Variants in TNPO3 observed in about 807,000 individuals in gnomAD.
TNPO3 encodes the protein transportin-3.
TNPO3 carries 65 observed loss-of-function variants against 122.8 expected under a neutral mutation model. That is an observed-to-expected ratio of 0.53 (90% CI 0.43 to 0.65). TNPO3 has a LOEUF of 0.65. Ranked by LOEUF, TNPO3 falls within the 30% of genes least tolerant of loss-of-function variation. TNPO3 has a pLI of 0.00. For synonymous variants in TNPO3, 372 were observed against 411.2 expected, an observed-to-expected ratio of 0.90 and a Z score of 1.15; for missense variants, 850 against 1,136.7, an observed-to-expected ratio of 0.75 and a Z score of 3.63.
chr7:129,016,219 C>T (rs932323045), intron 3 of TNPO3, among the ~76,000 whole-genome samples: 1 of 152,108 alleles, frequency 6.6e-6, no homozygotes, highest in African/African-American at 2.4e-5. Context: ...CCTGGCCAAA[C>T]CCCGCCTCTA....
intron 1 of TNPO3, among the ~76,000 whole-genome samples, chr7:129,019,654 G>C (rs1309413955): frequency 6.6e-6 from 1 of 152,182 alleles, no homozygotes; most frequent in Non-Finnish European, 1.5e-5. Context: ...TTTGACACTG[G>C]CCTGGGCAAC....
At chr7:129,050,401 A>AAGG (rs1554445189) in intron 1 of TNPO3, among the ~76,000 whole-genome samples, 6 of 80,712 alleles carry the variant, frequency 7.4e-5, no homozygotes, top group African/African-American at 2.0e-4. Flanking sequence ...AAAAAAAAAA[A>AAGG]GGGTGGGGGG....
chr7:129,001,855 A>C (rs1266023519), intron 5 of TNPO3, among the ~76,000 whole-genome samples: 1 of 152,182 alleles, frequency 6.6e-6, no homozygotes, highest in African/African-American at 2.4e-5. Flanking sequence ...ATGGAAAGCC[A>C]TGTGTTCCCT....
At chr7:129,031,302 A>AAAAGAAAG (rs113746995) in intron 1 of TNPO3, among the ~76,000 whole-genome samples, 4 of 151,800 alleles carry the variant, frequency 2.6e-5, no homozygotes, top group African/African-American at 9.7e-5. Context: ...TCTATGTCAA[A>AAAAGAAAG]AAAGAAAGAA....
Position 129,001,132 on chromosome 7 carries a change from T to C in TNPO3, c.799A>G (p.Met267Val). 1 of 1,614,168 alleles carries C rather than the reference T, an allele frequency of 6.2e-7. No individual in the cohort carries two copies. Among genetic ancestry groups the C allele is most frequent in the Non-Finnish European group, 8.5e-7 (1 of 1,180,022 alleles). The change falls in exon 6 of 23, where the codon ATG (methionine) becomes GTG (valine). Residue 267 changes from methionine (M) to valine (V), a missense_variant. Met to Val is a conservative substitution (Grantham distance 21). Coordinates refer to ENST00000265388, the MANE Select transcript of TNPO3 (RefSeq NM_012470.4). ...GTCAGCACTCCCTGAAAAAGTTGCA[T>C]GGCTAATGGCAAGTTAGTCTCCACA... Reference protein sequence around the residue: ...ENVETNLPLAMQLFQGVLTLE... With the variant: ...ENVETNLPLAVQLFQGVLTLE...
intron 21 of TNPO3, among the ~76,000 whole-genome samples, chr7:128,964,008 TATA>T (rs1797704409): frequency 6.6e-6 from 1 of 152,150 alleles, no homozygotes; most frequent in South Asian, 2.1e-4. Context: ...GTGTATAATT[TATA>T]ATAAAACAGC....
At chr7:128,957,365 A>G (rs1244925326) in intron 21 of TNPO3, 50 bp from the exon 22 acceptor site, 1 of 1,595,904 alleles carries the variant, frequency 6.3e-7, no homozygotes, top group Non-Finnish European at 8.6e-7. Context: ...AAGACAGAAT[A>G]TGCTGAAAAA....
At chr7:129,030,654 AC>A (rs2150494873) in intron 1 of TNPO3, 1 of 152,052 alleles carries the variant, frequency 6.6e-6, no homozygotes, top group South Asian at 2.1e-4. Flanking sequence ...TATTTGTGTT[AC>A]TATGGAAACT....
chr7:129,042,612 C>T (rs562029091), intron 1 of TNPO3, among the ~76,000 whole-genome samples: 11 of 152,016 alleles, frequency 7.2e-5, no homozygotes, highest in South Asian at 4.1e-4. Context: ...TTTTACAAAA[C>T]GAGATAAATT....
At chr7:129,037,831 A>C (rs1448678358) in intron 1 of TNPO3, among the ~76,000 whole-genome samples, 1 of 152,178 alleles carries the variant, frequency 6.6e-6, no homozygotes, top group African/African-American at 2.4e-5. Context: ...TGAGCCTATA[A>C]TAATACTACC....
chr7:129,054,413 T>C (rs1381846704), intron 1 of TNPO3, among the ~76,000 whole-genome samples: 1 of 151,808 alleles, frequency 6.6e-6, no homozygotes, highest in Non-Finnish European at 1.5e-5. Flanking sequence ...AATCGAAGAG[T>C]ATAAGACCTA....
chr7:128,991,286 A>C (rs1274691175), intron 10 of TNPO3, among the ~76,000 whole-genome samples: 1 of 152,226 alleles, frequency 6.6e-6, no homozygotes, highest in African/African-American at 2.4e-5. Context: ...GGCAGCTAAG[A>C]AAGAAGCATT....
At chr7:129,050,590 T>C (rs1808636806) in intron 1 of TNPO3, among the ~76,000 whole-genome samples, 2 of 152,122 alleles carry the variant, frequency 1.3e-5, no homozygotes, top group Non-Finnish European at 2.9e-5. Flanking sequence ...AAGATTGAAG[T>C]AGGTGGTCTC....
intron 5 of TNPO3, among the ~76,000 whole-genome samples, chr7:129,002,848 C>G (rs575235138): frequency 1.3e-5 from 2 of 151,394 alleles, no homozygotes; most frequent in Non-Finnish European, 3.0e-5. Flanking sequence ...GTCAGGAGAT[C>G]GAGACCACGG....
intron 1 of TNPO3, among the ~76,000 whole-genome samples, chr7:129,054,284 T>A (rs866331619): frequency 6.6e-6 from 1 of 152,138 alleles, no homozygotes; most frequent in Non-Finnish European, 1.5e-5. Flanking sequence ...TAAAGCCTTC[T>A]TAAGCGGAAG....
intron 19 of TNPO3, among the ~76,000 whole-genome samples, chr7:128,971,649 C>T (rs1798502343): frequency 6.6e-6 from 1 of 152,178 alleles, no homozygotes; most frequent in Non-Finnish European, 1.5e-5. Context: ...AACCTACCTT[C>T]GAAATTCCTG....
chr7:128,990,181 A>G (rs1468262380), intron 10 of TNPO3, 81 bp from the exon 11 acceptor site: 18 of 1,478,366 alleles, frequency 1.2e-5, no homozygotes, highest in Non-Finnish European at 1.7e-5. Flanking sequence ...GACGACACAC[A>G]GCATTGCTAA....
chr7:128,999,371 A>AT (rs1354745884), intron 7 of TNPO3, among the ~76,000 whole-genome samples: 1 of 152,206 alleles, frequency 6.6e-6, no homozygotes, highest in Admixed American at 6.5e-5. Flanking sequence ...TAAAGGAGTG[A>AT]TAACTGCGTG....
chr7:128,993,680 T>C (rs1023359008), intron 9 of TNPO3, 127 bp downstream of exon 9: 11 of 762,950 alleles, frequency 1.4e-5, no homozygotes, highest in Non-Finnish European at 1.9e-5. Context: ...TGCTAGGCAC[T>C]TGCATATCTA....
Sources: gnomAD v4.1 joint callset for allele counts (sites outside exome capture counted in the v4.1 genomes callset) on GRCh38, gnomAD v4.1.1 for gene constraint, MANE v1.5 for transcripts, NCBI Gene and HGNC (gene_info 2026-07-23, HGNC 2026-07-21) for gene names.